The following FRAS1 variants were observed in gnomAD, a reference collection of about 807,000 sequenced individuals.
The protein encoded by FRAS1 is Fraser extracellular matrix complex subunit 1, also known as extracellular matrix organizing protein FRAS1.
In FRAS1, 290 loss-of-function variants were observed where a neutral mutation model predicts 435.2. That is an observed-to-expected ratio of 0.67 (90% CI 0.61 to 0.73). FRAS1 has a LOEUF of 0.73. Ranked by LOEUF, FRAS1 falls within the 30% of genes least tolerant of loss-of-function variation. The pLI is 0.00. For missense variants in FRAS1, 4,860 were observed against 5,001.5 expected, an observed-to-expected ratio of 0.97 and a Z score of 0.85; for synonymous variants, 1,800 against 1,851.0, an observed-to-expected ratio of 0.97 and a Z score of 0.71.
At chr4:78,141,567 G>A (rs965868848) in intron 2 of FRAS1, among the ~76,000 whole-genome samples, 13 of 152,132 alleles carry the variant, frequency 8.5e-5, no homozygotes, top group African/African-American at 3.1e-4. Flanking sequence ...GGAGAGGAAA[G>A]GTCCAAAAGC....
At chr4:78,201,348 A>G (rs756022684) in intron 2 of FRAS1, among the ~76,000 whole-genome samples, 6 of 152,260 alleles carry the variant, frequency 3.9e-5, no homozygotes, top group Non-Finnish European at 1.5e-5. Flanking sequence ...TAAAGAACAA[A>G]ATACTAGTTA....
At chr4:78,203,756 C>T (rs1454496768) in intron 2 of FRAS1, among the ~76,000 whole-genome samples, 1 of 151,936 alleles carries the variant, frequency 6.6e-6, no homozygotes, top group East Asian at 1.9e-4. Flanking sequence ...TTAGTAGAAA[C>T]AGGGTTTCAC....
chr4:78,216,479 C>T (rs1291837941), intron 2 of FRAS1, among the ~76,000 whole-genome samples: 1 of 152,162 alleles, frequency 6.6e-6, no homozygotes, highest in African/African-American at 2.4e-5. Flanking sequence ...AATGAGCCAA[C>T]TAAGAATATA....
chr4:78,525,708 G>A (rs1486601179), intron 69 of FRAS1, among the ~76,000 whole-genome samples: 1 of 152,190 alleles, frequency 6.6e-6, no homozygotes, highest in African/African-American at 2.4e-5. Flanking sequence ...AGACTCCCAA[G>A]GCCCTTGAAG....
intron 18 of FRAS1, among the ~76,000 whole-genome samples, chr4:78,319,923 A>C (rs1332082113): frequency 6.6e-6 from 1 of 152,260 alleles, no homozygotes; most frequent in Non-Finnish European, 1.5e-5. Flanking sequence ...GCCCAGGGCC[A>C]GACACTTAAC....
At chr4:78,076,865 C>A (rs973151112) in intron 2 of FRAS1, among the ~76,000 whole-genome samples, 1 of 152,094 alleles carries the variant, frequency 6.6e-6, no homozygotes, top group African/African-American at 2.4e-5. Context: ...AAATAAGTAT[C>A]CTTTTATATT....
At chr4:78,102,506 AT>A (rs1226643834) in intron 2 of FRAS1, among the ~76,000 whole-genome samples, 1 of 152,170 alleles carries the variant, frequency 6.6e-6, no homozygotes, top group Non-Finnish European at 1.5e-5. Flanking sequence ...ACTTTACTGA[AT>A]GACTCCACAA....
rs372301092 is a variant in FRAS1, at chr4:78,377,571, G to A, written c.3292+1692G>A. Among the ~76,000 whole-genome samples the A allele has an allele frequency of 2.3e-4, 35 of 152,320 alleles. No individual in the cohort carries two copies. The East Asian group carries it at 6.6e-3, about 29-fold the overall frequency. ...TTAAGAAATCCCTTTTTGTCCATCA[G>A]ATGTTTCATGTGGACAAAGATTATA... On this transcript the variant is annotated intron_variant, in intron 26 of 73. Coordinates refer to ENST00000512123, the MANE Select transcript of FRAS1 (RefSeq NM_025074.7).
At chr4:78,538,953 T>TA (rs10545506) in intron 72 of FRAS1, among the ~76,000 whole-genome samples, 264 of 134,038 alleles carry the variant, frequency 2.0e-3, no homozygotes, top group African/African-American at 3.9e-3. Context: ...AGACTCCATC[T>TA]AAAAAAAAAA....
intron 47 of FRAS1, among the ~76,000 whole-genome samples, chr4:78,457,347 G>A (rs1490209072): frequency 1.3e-5 from 2 of 152,150 alleles, no homozygotes; most frequent in Non-Finnish European, 2.9e-5. Context: ...GGTACCAGAG[G>A]TAGGTCTCCT....
At chr4:78,359,315 T>G in intron 20 of FRAS1, among the ~76,000 whole-genome samples, 1 of 152,158 alleles carries the variant, frequency 6.6e-6, no homozygotes, top group East Asian at 1.9e-4. Flanking sequence ...ACATTGGTAT[T>G]AATCCTCAAG....
At position 78,400,976 on chromosome 4, in the gene FRAS1, A is replaced by G. The variant is rs541822942; in HGVS notation, c.4129+89A>G. ...TATAGTGCCATGTGGCAAGATTGCA[A>G]TTCCAATGAACTGAGCTTTCTAATA... On this transcript the variant is annotated intron_variant, in intron 30 of 73. Coordinates refer to ENST00000512123, the MANE Select transcript of FRAS1 (RefSeq NM_025074.7). 4 of 1,228,802 alleles carry G rather than the reference A, an allele frequency of 3.3e-6. No homozygotes were observed. In the Admixed American group the frequency reaches 7.6e-5, roughly 23 times the overall value. 76.1% of individuals were successfully genotyped at this position (1,228,802 alleles called of 1,614,324 possible).
At chr4:78,397,394 C>A (rs77175218) in intron 29 of FRAS1, among the ~76,000 whole-genome samples, 1 of 152,304 alleles carries the variant, frequency 6.6e-6, no homozygotes, top group East Asian at 1.9e-4. Context: ...ATCAAGGTTG[C>A]GTGCCTTCTA....
Position 78,432,218 on chromosome 4 carries a change from G to C in FRAS1, c.4970-139G>C, listed in dbSNP as rs983459836. ...GTGGTGTAAAGGGAATCCTATAGTAGGTGAGTGGTTGGATTAGCCTGTAAC... is the reference window on the plus strand; with the variant it reads ...GTGGTGTAAAGGGAATCCTATAGTACGTGAGTGGTTGGATTAGCCTGTAAC... On this transcript the variant is annotated intron_variant, in intron 37 of 73. Coordinates refer to ENST00000512123, the MANE Select transcript of FRAS1 (RefSeq NM_025074.7). 11 of 678,760 alleles carry C rather than the reference G, an allele frequency of 1.6e-5. No individual in the cohort carries two copies. The African/African-American group carries it at 2.0e-4, about 12-fold the overall frequency. 42.0% of individuals were successfully genotyped at this position (678,760 alleles called of 1,614,324 possible).
At chr4:78,428,312 T>G (rs375115118) in intron 35 of FRAS1, among the ~76,000 whole-genome samples, 2 of 142,006 alleles carry the variant, frequency 1.4e-5, no homozygotes, top group African/African-American at 5.5e-5. Flanking sequence ...GTATTGTCTG[T>G]CCTTTTAAAA....
intron 28 of FRAS1, 53 bp downstream of exon 28, chr4:78,384,196 G>A (rs1166997338): frequency 6.6e-6 from 8 of 1,203,462 alleles, no homozygotes; most frequent in Non-Finnish European, 9.4e-6. Context: ...TAGTTCTCAA[G>A]CACGAAATCT....
chr4:78,145,959 G>A (rs1011514693), intron 2 of FRAS1, among the ~76,000 whole-genome samples: 3 of 151,988 alleles, frequency 2.0e-5, no homozygotes, highest in African/African-American at 7.3e-5. Context: ...GGTGCCTTCC[G>A]CCATAATTGT....
intron 31 of FRAS1, among the ~76,000 whole-genome samples, chr4:78,411,101 T>C (rs1354317847): frequency 2.0e-5 from 3 of 149,308 alleles, no homozygotes; most frequent in Non-Finnish European, 3.0e-5. Flanking sequence ...TATAATGAGT[T>C]GCATGGATTT....
intron 22 of FRAS1, 34 bp from the exon 23 acceptor site, chr4:78,369,804 A>G (rs1361287512): frequency 6.3e-7 from 1 of 1,589,694 alleles, no homozygotes; most frequent in Admixed American, 1.7e-5. Flanking sequence ...TGCAATTGTA[A>G]TCATCTGGTC....
Sources: gnomAD v4.1 joint callset for allele counts (sites outside exome capture counted in the v4.1 genomes callset) on GRCh38, gnomAD v4.1.1 for gene constraint, MANE v1.5 for transcripts, NCBI Gene and HGNC (gene_info 2026-07-23, HGNC 2026-07-21) for gene names.